MEMO1: variants seen among roughly 807,000 people sequenced by gnomAD.
MEMO1 encodes the protein mediator of cell motility 1.
Under a neutral mutation model 45.2 loss-of-function variants are expected in MEMO1, and 6 were observed. The observed-to-expected ratio is 0.13, with a 90% confidence interval of 0.07 to 0.26. MEMO1 has a LOEUF of 0.26. Ranked by LOEUF, MEMO1 falls within the 10% of genes least tolerant of loss-of-function variation. The pLI is 1.00. For synonymous variants in MEMO1, 78 were observed against 124.3 expected (o/e 0.63, Z 2.48); for missense variants, 184 against 370.5 (o/e 0.50, Z 4.13).
chr2:31,894,357 G>C (rs548099926), intron 6 of MEMO1, among the ~76,000 whole-genome samples: 1 of 152,156 alleles, frequency 6.6e-6, no homozygotes, highest in Admixed American at 6.5e-5. Context: ...CTTTGACTTG[G>C]AGCAGAGAGT....
intron 2 of MEMO1, among the ~76,000 whole-genome samples, chr2:31,967,229 T>C (rs1668740528): frequency 6.6e-6 from 1 of 151,846 alleles, no homozygotes; most frequent in Admixed American, 6.6e-5. Context: ...GTTCACACCA[T>C]TCTCCTGCCT....
chr2:31,995,346 G>A (rs1418108796), intron 2 of MEMO1, among the ~76,000 whole-genome samples: 2 of 151,908 alleles, frequency 1.3e-5, no homozygotes, highest in African/African-American at 4.8e-5. Flanking sequence ...CAGCTACTCG[G>A]GAGAGGCTGA....
At chr2:31,918,948 T>C (rs1681875220) in intron 5 of MEMO1, among the ~76,000 whole-genome samples, 2 of 152,046 alleles carry the variant, frequency 1.3e-5, no homozygotes, top group Admixed American at 6.6e-5. Context: ...AAGTAAAATG[T>C]GTTCCCTAAA....
chr2:31,927,531 A>C (rs562510371), intron 4 of MEMO1, among the ~76,000 whole-genome samples: 1 of 152,064 alleles, frequency 6.6e-6, no homozygotes, highest in African/African-American at 2.4e-5. Flanking sequence ...AATGATCAAA[A>C]CAGGGTGAAT....
At chr2:31,933,360 T>TATATATATATATAC (rs1558514460) in intron 3 of MEMO1, among the ~76,000 whole-genome samples, 1 of 55,510 alleles carries the variant, frequency 1.8e-5, no homozygotes, top group Non-Finnish European at 3.1e-5. Flanking sequence ...TTTATATATA[T>TATATATATATATAC]ATATATATAT....
intron 6 of MEMO1, among the ~76,000 whole-genome samples, chr2:31,894,791 A>G (rs564331691): frequency 1.3e-5 from 2 of 152,272 alleles, no homozygotes; most frequent in East Asian, 3.9e-4. Flanking sequence ...AAAACAGACT[A>G]TACTTAGTTG....
intron 2 of MEMO1, among the ~76,000 whole-genome samples, chr2:31,960,991 A>G (rs1442460612): frequency 2.0e-5 from 3 of 152,234 alleles, no homozygotes; most frequent in Non-Finnish European, 2.9e-5. Flanking sequence ...CAAATACTAT[A>G]AACAAAGTAA....
intron 2 of MEMO1, among the ~76,000 whole-genome samples, chr2:31,955,881 T>C (rs946550733): frequency 6.6e-6 from 1 of 152,190 alleles, no homozygotes; most frequent in Non-Finnish European, 1.5e-5. Context: ...GCGCTGGTAG[T>C]ACAGGCGTGA....
chr2:31,945,561 G>A (rs1370958805), intron 2 of MEMO1, among the ~76,000 whole-genome samples: 1 of 152,112 alleles, frequency 6.6e-6, no homozygotes, highest in African/African-American at 2.4e-5. Context: ...TCAAAACCTG[G>A]TAAATTCTTT....
chr2:31,965,136 C>T (rs758104799), intron 2 of MEMO1, among the ~76,000 whole-genome samples: 2 of 151,820 alleles, frequency 1.3e-5, no homozygotes, highest in African/African-American at 4.8e-5. Context: ...TCGCTTGAAC[C>T]GGAGAGGCAG....
intron 6 of MEMO1, among the ~76,000 whole-genome samples, chr2:31,901,165 G>A (rs1393849323): frequency 6.6e-6 from 1 of 151,884 alleles, no homozygotes; most frequent in Non-Finnish European, 1.5e-5. Context: ...TTGAGCTCAG[G>A]AGTTCGAGAC....
intron 2 of MEMO1, among the ~76,000 whole-genome samples, chr2:31,945,500 G>T (rs1419776198): frequency 5.9e-5 from 9 of 152,070 alleles, no homozygotes; most frequent in Non-Finnish European, 1.5e-5. Context: ...TAAAATAAGA[G>T]GCCTAATTCT....
intron 6 of MEMO1, among the ~76,000 whole-genome samples, chr2:31,914,961 T>TTAA (rs1491509515): frequency 4.2e-5 from 5 of 120,220 alleles, no homozygotes; most frequent in African/African-American, 1.6e-4. Context: ...TGTCTCTTTT[T>TTAA]AAAAAAAAAA....
At chr2:31,938,131 A>C (rs1654597393) in intron 3 of MEMO1, among the ~76,000 whole-genome samples, 1 of 152,206 alleles carries the variant, frequency 6.6e-6, no homozygotes, top group South Asian at 2.1e-4. Flanking sequence ...TATGTCACAC[A>C]GATTAGAATT....
intron 4 of MEMO1, among the ~76,000 whole-genome samples, chr2:31,924,532 A>C (rs928806547): frequency 1.6e-4 from 25 of 152,230 alleles, no homozygotes; most frequent in African/African-American, 5.5e-4. Flanking sequence ...TGTACTTCAT[A>C]TATAATAGCT....
intron 2 of MEMO1, among the ~76,000 whole-genome samples, chr2:31,969,586 G>GGTGTGTGTGTGTGTGTGTGT (rs367639470): frequency 8.4e-6 from 1 of 119,226 alleles, no homozygotes; most frequent in Non-Finnish European, 1.8e-5. Flanking sequence ...TGTGTGTGTG[G>GGTGTGTGTGTGTGTGTGTGT]GTGTGTGTGT....
chr2:31,976,508 G>T (rs1488921477), intron 2 of MEMO1, among the ~76,000 whole-genome samples: 1 of 151,902 alleles, frequency 6.6e-6, no homozygotes, highest in Non-Finnish European at 1.5e-5. Flanking sequence ...AACCTGGGAG[G>T]CAGAGGTTGC....
At chr2:31,935,256 A>C (rs778973420) in intron 3 of MEMO1, among the ~76,000 whole-genome samples, 2 of 152,194 alleles carry the variant, frequency 1.3e-5, no homozygotes, top group Non-Finnish European at 2.9e-5. Context: ...AGATCTTTAC[A>C]TGTTTGAAGG....
At chr2:31,905,695 T>TG (rs1372797503) in intron 6 of MEMO1, among the ~76,000 whole-genome samples, 1 of 152,234 alleles carries the variant, frequency 6.6e-6, no homozygotes, top group Admixed American at 6.5e-5. Flanking sequence ...TTTCTGATAA[T>TG]GGCAATATTA....
Sources: gnomAD v4.1 joint callset for allele counts (sites outside exome capture counted in the v4.1 genomes callset) on GRCh38, gnomAD v4.1.1 for gene constraint, MANE v1.5 for transcripts, NCBI Gene and HGNC (gene_info 2026-07-23, HGNC 2026-07-21) for gene names.